Variants in NLRP4 observed in about 807,000 individuals in gnomAD.
NLRP4 encodes NLR family pyrin domain containing 4.
NLRP4 carries 44 observed loss-of-function variants against 84.7 expected under a neutral mutation model. The observed-to-expected ratio is 0.52, with a 90% CI of 0.41 to 0.67. NLRP4 has a LOEUF of 0.67. Among genes scored for constraint, NLRP4 ranks in the 30% least tolerant of loss-of-function variants. The pLI, the probability that NLRP4 is intolerant of heterozygous loss-of-function variation, is 0.00. For synonymous variants in NLRP4, 544 were observed against 476.4 expected, an observed-to-expected ratio of 1.14 and a Z score of -1.85; for missense variants, 1,260 against 1,219.4, an observed-to-expected ratio of 1.03 and a Z score of -0.50.
At chr19:55,879,295 T>C (rs1985498404) in intron 9 of NLRP4, among the ~76,000 whole-genome samples, 1 of 152,032 alleles carries the variant, frequency 6.6e-6, no homozygotes, top group Non-Finnish European at 1.5e-5. Flanking sequence ...AGCAGAAGTT[T>C]AATAGGCAAA....
rs114186389 is a variant in NLRP4, at chr19:55,878,785, T to C, written c.2697-9T>C. 1.1e-3 allele frequency: 1,729 copies of C among 1,607,816 alleles called. 19 individuals carry two copies. In the African/African-American group the frequency reaches 0.02, roughly 18 times the overall value. ...GGGCCGCATCTTACCATGTGTCTTTTTATTGCAGGTTGGAAGAATGTGGGT... is the reference window on the plus strand; with the variant it reads ...GGGCCGCATCTTACCATGTGTCTTTCTATTGCAGGTTGGAAGAATGTGGGT... On this transcript the variant is annotated splice_polypyrimidine_tract_variant and intron_variant, in intron 8 of 9. Transcript: ENST00000301295.
rs1313508536 is a variant in NLRP4, at chr19:55,852,029, AT to A, written c.-50del. ...AATTTTCTACAGGTTTTATTTATTT[AT>A]TGTTCCTGGTCACTGTCTCTTTGAG... On this transcript the variant is annotated 5_prime_UTR_variant, in exon 2 of 10. In the 5' UTR this introduces an upstream ATG that the reference lacks. Coordinates refer to ENST00000301295, the MANE Select transcript of NLRP4 (RefSeq NM_134444.5). The A allele has an allele frequency of 1.5e-6, 2 of 1,347,592 alleles. No homozygotes were observed. The highest frequency in any genetic ancestry group is 1.5e-5 in the African/African-American group (1 of 67,460). 83.5% of individuals were successfully genotyped at this position (1,347,592 alleles called of 1,614,324 possible).
Position 55,858,681 on chromosome 19 carries a change from C to A in NLRP4, c.1288C>A (p.Pro430Thr). ...RRNGVVDADI[P>T]ALLGTKILLK... ...AAATGGGGTTGTTGACGCTGACATC[C>A]CTGCGCTGCTGGGCACCAAGATACT... Residue 430 changes from proline (P) to threonine (T), a missense_variant, in exon 3 of 10, where the codon CCT becomes ACT. Physicochemically the swap from Pro to Thr is conservative, Grantham distance 38 (BLOSUM62 -1). Around this residue, in one of 3 missense-constraint regions of NLRP4, gnomAD observed 712 missense variants for 669.2 expected, o/e 1.06. Transcript: ENST00000301295. This position sits in a 1 kb window ranked among gnomAD's most constrained non-coding sequence, Gnocchi z 4.2. 6.2e-7 allele frequency: 1 copy of A among 1,614,148 alleles called. No individual in the cohort carries two copies. The highest frequency in any genetic ancestry group is 8.5e-7 in the Non-Finnish European group (1 of 1,180,022).
chr19:55,849,992 AG>A (rs1983986050), intron 1 of NLRP4, among the ~76,000 whole-genome samples: 1 of 7,392 alleles, frequency 1.4e-4, no homozygotes, highest in African/African-American at 3.7e-4. Context: ...GTAATTTCCG[AG>A]ACTGCGGTGT....
At chr19:55,851,662 TGTAATGTCCGAGGCTGC>T (rs1984154002) in intron 1 of NLRP4, among the ~76,000 whole-genome samples, 2 of 150,026 alleles carry the variant, frequency 1.3e-5, no homozygotes, top group Non-Finnish European at 3.0e-5. Flanking sequence ...GAGGCTGCGG[TGTAATGTCCGAGGCTGC>T]GGTGTAATGT....
At chr19:55,842,820 T>C (rs764478714) in intron 1 of NLRP4, among the ~76,000 whole-genome samples, 18 of 151,892 alleles carry the variant, frequency 1.2e-4, no homozygotes, top group Non-Finnish European at 2.2e-4. Context: ...AGTGGAGAGG[T>C]GCGATCTCAG....
rs986099290 is a variant in NLRP4, at chr19:55,862,088, A to G, written c.2115A>G (p.Lys705=). 1.3e-5 allele frequency: 21 copies of G among 1,613,222 alleles called. No individual in the cohort carries two copies. Among genetic ancestry groups the G allele is most frequent in the Non-Finnish European group, 1.8e-5 (21 of 1,179,258 alleles). ...DLKYLSFTLT[K]LSRDDIRSLC... ...AATACCTGAGCTTCACCCTCACGAA[A>G]CTCTCTCGTGATGACATCAGGTCCC... is the stretch of plus-strand genomic sequence containing the variant. Residue 705 remains lysine (K), a synonymous_variant, in exon 5 of 10, where the codon AAA becomes AAG. Coordinates refer to ENST00000301295, the MANE Select transcript of NLRP4 (RefSeq NM_134444.5).
chr19:55,852,951 T>C (rs1263082498), intron 2 of NLRP4, among the ~76,000 whole-genome samples: 1 of 152,216 alleles, frequency 6.6e-6, no homozygotes, highest in African/African-American at 2.4e-5. Flanking sequence ...TGAGGTGAAG[T>C]CGTTGCATAA....
At chr19:55,845,403 C>T (rs1184250828) in intron 1 of NLRP4, among the ~76,000 whole-genome samples, 1 of 151,522 alleles carries the variant, frequency 6.6e-6, no homozygotes, top group Non-Finnish European at 1.5e-5. Context: ...ATATGTGCCA[C>T]ATTTTCTTAA....
chr19:55,852,484 T>G lies in NLRP4; in HGVS notation c.280+124T>G, dbSNP rs1257117028. Reference sequence around the variant, plus strand: ...CTATGGGAAAATATTAGGTTTTTTTTTTTTTTTTTTTGGTAGACGGAGTCG... The same window carrying G: ...CTATGGGAAAATATTAGGTTTTTTTGTTTTTTTTTTTGGTAGACGGAGTCG... On this transcript the variant is annotated intron_variant, in intron 2 of 9. Coordinates refer to ENST00000301295, the MANE Select transcript of NLRP4 (RefSeq NM_134444.5). 6.7e-5 allele frequency: 44 copies of G among 651,892 alleles called. 1 individual carries two copies. Among genetic ancestry groups the G allele is most frequent in the East Asian group, 3.0e-5 (1 of 32,822 alleles). 40.4% of individuals were successfully genotyped at this position (651,892 alleles called of 1,614,324 possible).
In NLRP4 at chr19:55,859,375, A is replaced by G. The variant is rs145074217; in HGVS notation, c.1856+126A>G. 9.6e-4 allele frequency: 713 copies of G among 742,680 alleles called. 5 individuals carry two copies. In the African/African-American group the frequency reaches 0.011, roughly 12 times the overall value. 46.0% of individuals were successfully genotyped at this position (742,680 alleles called of 1,614,324 possible). A position where few individuals can be genotyped will look rare whatever the true frequency, so the allele number is the denominator to read the frequency against. On this transcript the variant is annotated intron_variant, in intron 3 of 9. Coordinates refer to ENST00000301295, the MANE Select transcript of NLRP4 (RefSeq NM_134444.5). ...CTCATTTTTTCTGCCACAAAACCTC[A>G]GCTCACATCCTGGCCCAACATTTTA...
chr19:55,839,189 C>G (rs1046707688), intron 1 of NLRP4, among the ~76,000 whole-genome samples: 4 of 152,010 alleles, frequency 2.6e-5, no homozygotes, highest in South Asian at 2.1e-4. Flanking sequence ...CGTTTGTGTT[C>G]TTATTGTTCA....
intron 5 of NLRP4, among the ~76,000 whole-genome samples, chr19:55,863,481 A>C (rs1044354937): frequency 5.9e-5 from 9 of 152,228 alleles, no homozygotes; most frequent in Middle Eastern, 3.4e-3. Context: ...AAGAGAGAAG[A>C]GGGAGGCGCT....
intron 4 of NLRP4, 93 bp downstream of exon 4, chr19:55,861,640 AAGAATTAACATCCAGAGCAG>A: frequency 8.6e-7 from 1 of 1,168,852 alleles, no homozygotes. Context: ...TGCACAAGCA[AAGAATTAACATCCAGAGCAG>A]TTGCTCAACC....
Position 55,878,906 on chromosome 19 carries a change from G to C in NLRP4, c.2809G>C (p.Gly937Arg). The part of the protein sequence containing the change: ...NLTLNTLDHT[G>R]VVVLCEALRH... ...GACCTTGAACACCTTGGACCACACAGGGGTGGTTGTACTCTGTGAGGCCCT... is the reference window on the plus strand; with the variant it reads ...GACCTTGAACACCTTGGACCACACACGGGTGGTTGTACTCTGTGAGGCCCT... Residue 937 changes from glycine to arginine, a missense_variant, in exon 9 of 10, where the codon GGG (glycine) becomes CGG (arginine). Gly to Arg is a moderately radical substitution (Grantham distance 125). Around this residue, in one of 3 missense-constraint regions of NLRP4, gnomAD observed 544 missense variants for 531.7 expected, o/e 1.02. Transcript: ENST00000301295. The C allele has an allele frequency of 1.2e-6, 2 of 1,613,888 alleles. No individual in the cohort carries two copies. Among genetic ancestry groups the C allele is most frequent in the Non-Finnish European group, 1.7e-6 (2 of 1,179,788 alleles).
intron 1 of NLRP4, among the ~76,000 whole-genome samples, chr19:55,846,456 C>T (rs1408434731): frequency 6.6e-6 from 1 of 152,146 alleles, no homozygotes; most frequent in African/African-American, 2.4e-5. Context: ...GCCTGCTTCT[C>T]CAAGATGGTC....
chr19:55,874,742 T>A (rs1019391370), intron 7 of NLRP4, among the ~76,000 whole-genome samples: 1 of 152,156 alleles, frequency 6.6e-6, no homozygotes, highest in African/African-American at 2.4e-5. Flanking sequence ...CCACCATTTT[T>A]TGTGGCTAGC....
chr19:55,847,369 A>T (rs1983837206), intron 1 of NLRP4, among the ~76,000 whole-genome samples: 1 of 152,346 alleles, frequency 6.6e-6, no homozygotes, highest in East Asian at 1.9e-4. Flanking sequence ...TATCATGAGC[A>T]TAATTACAAG....
intron 1 of NLRP4, among the ~76,000 whole-genome samples, chr19:55,840,978 A>AT (rs1364436696): frequency 6.6e-6 from 1 of 152,222 alleles, no homozygotes; most frequent in Non-Finnish European, 1.5e-5. Flanking sequence ...TATGCATGAC[A>AT]TGCTATTTTG....
Sources: allele counts gnomAD v4.1 joint callset (sites outside exome capture counted in the v4.1 genomes callset), GRCh38; gene constraint gnomAD v4.1.1; regional missense constraint gnomAD v4.1.1; non-coding constraint Gnocchi (gnomAD v3.1); transcripts MANE v1.5; gene names NCBI Gene and HGNC (gene_info 2026-07-23, HGNC 2026-07-21).